The following ITGA8 variants were observed in gnomAD, a reference collection of about 807,000 sequenced individuals.
The protein encoded by ITGA8 is integrin subunit alpha 8.
In ITGA8, 91 loss-of-function variants were observed where a neutral mutation model predicts 142.3. The ratio of observed to expected loss-of-function variants is 0.64; its 90% confidence interval spans 0.54 to 0.76. The LOEUF (loss-of-function observed/expected upper bound fraction) is 0.76. ITGA8 is among the 30% of genes least tolerant of loss of function. The pLI, the probability that ITGA8 is intolerant of heterozygous loss-of-function variation, is 0.00. For synonymous variants in ITGA8, 505 were observed against 485.2 expected, an observed-to-expected ratio of 1.04 and a Z score of -0.54; for missense variants, 1,406 against 1,327.7, an observed-to-expected ratio of 1.06 and a Z score of -0.92.
chr10:15,607,847 A>G lies in ITGA8; in HGVS notation c.1610-16T>C, dbSNP rs1478163869. On this transcript the variant is annotated splice_polypyrimidine_tract_variant and intron_variant, in intron 16 of 29. Coordinates refer to ENST00000378076, the MANE Select transcript of ITGA8 (RefSeq NM_003638.3). ...GCCATCAAGACTAAAGGACAGAAGTAAAGTAGAGAAAAAGTATTCAGTGAA... is the reference window on the plus strand; with the variant it reads ...GCCATCAAGACTAAAGGACAGAAGTGAAGTAGAGAAAAAGTATTCAGTGAA... The G allele has an allele frequency of 3.1e-6, 5 of 1,607,888 alleles. No homozygotes were observed. The highest frequency in any genetic ancestry group is 4.3e-6 in the Non-Finnish European group (5 of 1,175,376).
At chr10:15,611,280 T>C (rs1043849758) in intron 15 of ITGA8, among the ~76,000 whole-genome samples, 2 of 152,160 alleles carry the variant, frequency 1.3e-5, no homozygotes, top group Non-Finnish European at 2.9e-5. Context: ...TGAGGCACCA[T>C]TCACAAATTT....
chr10:15,719,452 G>A, intron 1 of ITGA8, 111 bp downstream of exon 1: 2 of 945,294 alleles, frequency 2.1e-6, no homozygotes, highest in Non-Finnish European at 3.0e-6. Context: ...CCCCGGGCAG[G>A]CGGCAGGACG....
intron 2 of ITGA8, among the ~76,000 whole-genome samples, chr10:15,689,309 C>G (rs1249117630): frequency 6.6e-6 from 1 of 152,182 alleles, no homozygotes; most frequent in Non-Finnish European, 1.5e-5. Context: ...ACCAGACTAA[C>G]TTAAGGAGAT....
intron 15 of ITGA8, among the ~76,000 whole-genome samples, chr10:15,611,725 C>T (rs914189044): frequency 4.0e-5 from 6 of 151,654 alleles, no homozygotes; most frequent in African/African-American, 7.3e-5. Flanking sequence ...GTGATCTGCC[C>T]GCCTTGGCCT....
chr10:15,525,981 G>A (rs1382487464), intron 28 of ITGA8, among the ~76,000 whole-genome samples: 1 of 152,050 alleles, frequency 6.6e-6, no homozygotes, highest in African/African-American at 2.4e-5. Flanking sequence ...TAACACAACC[G>A]TGTTTAATGG....
chr10:15,718,287 C>T (rs777408947), intron 2 of ITGA8, among the ~76,000 whole-genome samples: 4 of 152,210 alleles, frequency 2.6e-5, no homozygotes, highest in Non-Finnish European at 5.9e-5. Flanking sequence ...AAAATTCTTT[C>T]TTTCTGTAAA....
intron 25 of ITGA8, 69 bp downstream of exon 25, chr10:15,572,142 C>T (rs1341997094): frequency 7.6e-7 from 1 of 1,321,404 alleles, no homozygotes; most frequent in Non-Finnish European, 1.0e-6. Flanking sequence ...TTTAAACAAG[C>T]CCAGTTTGTA....
At chr10:15,596,949 T>A in intron 21 of ITGA8, 2 of 393,332 alleles carry the variant, frequency 5.1e-6, no homozygotes, top group Non-Finnish European at 9.1e-6. Flanking sequence ...TGTATAAAAT[T>A]GTTGTAACTA....
intron 13 of ITGA8, among the ~76,000 whole-genome samples, chr10:15,622,587 CAAAACAAAACAAAACAA>C (rs998808441): frequency 2.8e-4 from 6 of 21,386 alleles, no homozygotes; most frequent in African/African-American, 3.8e-4. Context: ...CAAAACAAAA[CAAAACAAAACAAAACAA>C]AAAAAAAACC....
intron 2 of ITGA8, among the ~76,000 whole-genome samples, chr10:15,703,492 G>T (rs1835202608): frequency 6.6e-6 from 1 of 152,102 alleles, no homozygotes; most frequent in South Asian, 2.1e-4. Context: ...ATAATATTTT[G>T]GATATAATGC....
chr10:15,709,778 C>T (rs1345995195), intron 2 of ITGA8, among the ~76,000 whole-genome samples: 4 of 152,198 alleles, frequency 2.6e-5, no homozygotes, highest in African/African-American at 9.7e-5. Context: ...CAGAACAGGT[C>T]TGTATTTCTA....
intron 28 of ITGA8, among the ~76,000 whole-genome samples, chr10:15,528,998 C>T (rs1015717862): frequency 9.0e-6 from 1 of 111,552 alleles, no homozygotes; most frequent in Non-Finnish European, 1.9e-5. Context: ...TTCCTTCCTT[C>T]TTCCCTTCCC....
At position 15,607,746 on chromosome 10, in the gene ITGA8, A is replaced by G. The variant is rs1230628265; in HGVS notation, c.1695T>C (p.His565=). The part of the protein sequence containing the change: ...RTLFLDNHQA[H]RVFPLVIKRQ... ...TTTTTATCACAAGAGGGAAGACGCG[A>G]TGAGCCTGATGGTTATCAAGGAAGA... is the stretch of plus-strand genomic sequence containing the variant. Residue 565 remains histidine (H), a synonymous_variant, in exon 17 of 30, where the codon CAT becomes CAC. Coordinates refer to ENST00000378076, the MANE Select transcript of ITGA8 (RefSeq NM_003638.3). 12 of 1,613,642 alleles carry G rather than the reference A, an allele frequency of 7.4e-6. No individual in the cohort carries two copies. Among genetic ancestry groups the G allele is most frequent in the Non-Finnish European group, 8.5e-6 (10 of 1,179,536 alleles).
intron 13 of ITGA8, among the ~76,000 whole-genome samples, chr10:15,633,960 C>T (rs570693914): frequency 4.6e-5 from 7 of 152,278 alleles, no homozygotes; most frequent in African/African-American, 1.7e-4. Flanking sequence ...TGATTCAATG[C>T]TCCCTGTTCT....
chr10:15,660,199 G>C (rs1237142184), intron 9 of ITGA8, among the ~76,000 whole-genome samples: 1 of 152,168 alleles, frequency 6.6e-6, no homozygotes, highest in East Asian at 1.9e-4. Context: ...GACCAGCCTT[G>C]TGGGTATGTG....
intron 27 of ITGA8, among the ~76,000 whole-genome samples, chr10:15,537,321 C>A (rs772659445): frequency 6.6e-6 from 1 of 152,148 alleles, no homozygotes; most frequent in Non-Finnish European, 1.5e-5. Context: ...GGATTTGGCA[C>A]CTGACACTGA....
chr10:15,710,582 G>A (rs1835345072), intron 2 of ITGA8, among the ~76,000 whole-genome samples: 1 of 152,222 alleles, frequency 6.6e-6, no homozygotes, highest in African/African-American at 2.4e-5. Flanking sequence ...ATGGTGCAGG[G>A]TGTGTGGCAA....
At chr10:15,572,933 C>T (rs187340788) in intron 24 of ITGA8, among the ~76,000 whole-genome samples, 1 of 152,306 alleles carries the variant, frequency 6.6e-6, no homozygotes, top group African/African-American at 2.4e-5. Flanking sequence ...GCAAGAAAGG[C>T]CACATCTCAT....
At chr10:15,537,501 G>A (rs752868328) in intron 27 of ITGA8, among the ~76,000 whole-genome samples, 6 of 152,094 alleles carry the variant, frequency 3.9e-5, no homozygotes, top group Non-Finnish European at 8.8e-5. Context: ...AATATTTATT[G>A]TTTCCAAAGC....
Sources: gnomAD v4.1 joint callset for allele counts (sites outside exome capture counted in the v4.1 genomes callset) on GRCh38, gnomAD v4.1.1 for gene constraint, MANE v1.5 for transcripts, NCBI Gene and HGNC (gene_info 2026-07-23, HGNC 2026-07-21) for gene names.